Variants in ACOXL observed in about 807,000 individuals in gnomAD.
The protein encoded by ACOXL is acyl-CoA oxidase like, also known as acyl-coenzyme A oxidase-like protein.
In ACOXL, 70 loss-of-function variants were observed where a neutral mutation model predicts 71.9. The observed-to-expected ratio is 0.97, with a 90% CI of 0.80 to 1.19. The LOEUF (loss-of-function observed/expected upper bound fraction) is 1.19. ACOXL is among the 50% of genes most tolerant of loss of function. ACOXL has a pLI of 0.00. For synonymous variants in ACOXL, 253 were observed against 281.6 expected (o/e 0.90, Z 1.02); for missense variants, 703 against 736.3 (o/e 0.95, Z 0.52).
rs893462353 is a variant in ACOXL at position 110,793,736 on chromosome 2, G to C, written c.246G>C (p.Gln82His). 3 of 1,612,748 alleles carry C rather than the reference G, an allele frequency of 1.9e-6. No individual in the cohort carries two copies. Among genetic ancestry groups the C allele is most frequent in the Non-Finnish European group, 2.5e-6 (3 of 1,178,790 alleles). Residue 82 changes from glutamine (Q) to histidine (H), a missense_variant and splice_region_variant, in exon 4 of 18, where the codon CAG becomes CAC. Physicochemically the swap from Gln to His is conservative, Grantham distance 24 (BLOSUM62 0). Transcript: ENST00000439055. Reference protein sequence around the residue: ...EHVTKWFQPLQEQKYTGMFAM... With the variant: ...EHVTKWFQPLHEQKYTGMFAM... ...TTACTAAGTGGTTTCAGCCACTCCA[G>C]GTATGGTATTTTCCTCAACATTGGT... is the stretch of plus-strand genomic sequence containing the variant.
chr2:110,926,829 C>T (rs2060288695), intron 11 of ACOXL, among the ~76,000 whole-genome samples: 1 of 152,146 alleles, frequency 6.6e-6, no homozygotes, highest in African/African-American at 2.4e-5. Flanking sequence ...TCTCCCCATT[C>T]AGCCTGGCCC....
At chr2:110,923,355 C>T (rs187726249) in intron 11 of ACOXL, among the ~76,000 whole-genome samples, 6 of 152,108 alleles carry the variant, frequency 3.9e-5, no homozygotes, top group East Asian at 3.9e-4. Context: ...ACATCTTGGT[C>T]GTAGGGCCCA....
intron 10 of ACOXL, among the ~76,000 whole-genome samples, chr2:110,898,613 A>G (rs966816936): frequency 6.6e-6 from 1 of 152,252 alleles, no homozygotes; most frequent in African/African-American, 2.4e-5. Flanking sequence ...AGCACCTACG[A>G]AAATTGTACA....
chr2:111,021,517 G>A (rs2064757943), intron 14 of ACOXL, among the ~76,000 whole-genome samples: 1 of 152,188 alleles, frequency 6.6e-6, no homozygotes, highest in Non-Finnish European at 1.5e-5. Flanking sequence ...CCACCAGTGA[G>A]CCGCTGGCTA....
chr2:111,054,699 T>C (rs2066449825), intron 16 of ACOXL, among the ~76,000 whole-genome samples: 1 of 152,220 alleles, frequency 6.6e-6, no homozygotes, highest in African/African-American at 2.4e-5. Flanking sequence ...GATGCAACCC[T>C]TTCTCTGTCT....
chr2:111,058,231 T>A (rs1035131636), intron 16 of ACOXL, among the ~76,000 whole-genome samples: 1 of 152,136 alleles, frequency 6.6e-6, no homozygotes, highest in Non-Finnish European at 1.5e-5. Flanking sequence ...ATTTCACCAT[T>A]TAAATAGAGA....
rs767004832 is a variant in ACOXL, at chr2:110,741,044, T to C, written c.-23+8270T>C. Among the ~76,000 whole-genome samples the C allele has an allele frequency of 2.0e-5, 3 of 152,206 alleles. 1 individual carries two copies. In the South Asian group the frequency reaches 6.2e-4, roughly 32 times the overall value. The stretch of plus-strand genomic sequence containing the variant: ...GAAGTGACTTACTCAAGTGTCATTC[T>C]CTTTTCTCTATTAAAATATGTAAAT... On this transcript the variant is annotated intron_variant, in intron 1 of 17. Coordinates refer to ENST00000439055, the MANE Select transcript of ACOXL (RefSeq NM_001142807.4).
chr2:111,010,892 A>G (rs1440686046), intron 14 of ACOXL, among the ~76,000 whole-genome samples: 1 of 152,202 alleles, frequency 6.6e-6, no homozygotes, highest in African/African-American at 2.4e-5. Context: ...CATTTTCAGT[A>G]ATAGAATTTG....
chr2:110,775,648 C>T (rs780876794), intron 2 of ACOXL, among the ~76,000 whole-genome samples: 2 of 152,126 alleles, frequency 1.3e-5, no homozygotes, highest in Non-Finnish European at 2.9e-5. Context: ...AGATGCCCAA[C>T]GTCACTAATC....
At chr2:110,927,785 T>G (rs143685424) in intron 11 of ACOXL, among the ~76,000 whole-genome samples, 2 of 152,344 alleles carry the variant, frequency 1.3e-5, no homozygotes, top group African/African-American at 4.8e-5. Flanking sequence ...TGAAATTGCC[T>G]TGTGTAACTA....
chr2:111,035,945 A>C (rs1020006312), intron 15 of ACOXL, among the ~76,000 whole-genome samples: 4 of 152,216 alleles, frequency 2.6e-5, no homozygotes, highest in African/African-American at 9.6e-5. Flanking sequence ...AAATTACGGG[A>C]ATATCCCTAC....
intron 16 of ACOXL, among the ~76,000 whole-genome samples, chr2:111,063,420 T>C (rs1370155763): frequency 6.6e-6 from 1 of 152,180 alleles, no homozygotes; most frequent in African/African-American, 2.4e-5. Context: ...AGAAGAATTA[T>C]ACACTGACCA....
intron 11 of ACOXL, among the ~76,000 whole-genome samples, chr2:110,918,753 A>G (rs1431419642): frequency 6.6e-6 from 1 of 152,244 alleles, no homozygotes; most frequent in Non-Finnish European, 1.5e-5. Flanking sequence ...ATATGAACAG[A>G]CACTTCTCAA....
At chr2:110,981,877 T>C in intron 12 of ACOXL, among the ~76,000 whole-genome samples, 1 of 152,120 alleles carries the variant, frequency 6.6e-6, no homozygotes, top group African/African-American at 2.4e-5. Flanking sequence ...CTATACTCAA[T>C]ATAAACAGTA....
intron 16 of ACOXL, among the ~76,000 whole-genome samples, chr2:111,070,714 G>C (rs1484110262): frequency 6.6e-6 from 1 of 152,096 alleles, no homozygotes; most frequent in African/African-American, 2.4e-5. Flanking sequence ...TGTGCTTGTT[G>C]ATTTTACTTC....
Position 110,805,280 on chromosome 2 carries a change from C to T in ACOXL, c.638C>T (p.Pro213Leu), listed in dbSNP as rs752076886. 1.2e-6 allele frequency: 2 copies of T among 1,614,168 alleles called. No homozygotes were observed. The highest frequency in any genetic ancestry group is 1.7e-6 in the Non-Finnish European group (2 of 1,180,018). Residue 213 changes from proline to leucine, a missense_variant, in exon 9 of 18, where the codon CCA (proline) becomes CTA (leucine). Physicochemically the swap from Pro to Leu is moderately conservative, Grantham distance 98. Coordinates refer to ENST00000439055, the MANE Select transcript of ACOXL (RefSeq NM_001142807.4). ...NLLDKFGSVA[P>L]DGQYHSPIRN... ...TTCCACAGGTTTGGTTCCGTGGCTC[C>T]AGATGGACAGTACCATTCGCCTATT...
Position 111,118,034 on chromosome 2 carries a change from G to C in ACOXL, c.*218G>C. The C allele has an allele frequency of 1.6e-6, 1 of 614,790 alleles. No homozygotes were observed. Among genetic ancestry groups the C allele is most frequent in the Admixed American group, 3.0e-5 (1 of 33,528 alleles). 38.1% of individuals were successfully genotyped at this position (614,790 alleles called of 1,614,324 possible). On this transcript the variant is annotated 3_prime_UTR_variant, in exon 18 of 18. Coordinates refer to ENST00000439055, the MANE Select transcript of ACOXL (RefSeq NM_001142807.4). ...GTCGCCTGGTGCGCTGGATCCCTGT[G>C]CCCTTTCCCTGAAACCCAGCCTGGC...
chr2:110,996,140 G>C, intron 14 of ACOXL, 136 bp downstream of exon 14: 1 of 683,276 alleles, frequency 1.5e-6, no homozygotes, highest in African/African-American at 1.8e-5. Context: ...GAGTTCCTAC[G>C]GGCCATTTTG....
intron 10 of ACOXL, among the ~76,000 whole-genome samples, chr2:110,908,470 A>T (rs1267089123): frequency 6.6e-6 from 1 of 152,232 alleles, no homozygotes; most frequent in Non-Finnish European, 1.5e-5. Context: ...CTGAATAATT[A>T]ATGATCATGG....
Sources: allele counts gnomAD v4.1 joint callset (sites outside exome capture counted in the v4.1 genomes callset), GRCh38; gene constraint gnomAD v4.1.1; transcripts MANE v1.5; gene names NCBI Gene and HGNC (gene_info 2026-07-23, HGNC 2026-07-21).